PTPRD: variants seen among roughly 807,000 people sequenced by gnomAD.
PTPRD encodes receptor-type tyrosine-protein phosphatase delta.
PTPRD carries 34 observed loss-of-function variants against 214.5 expected under a neutral mutation model. The observed-to-expected ratio is 0.16, with a 90% CI of 0.12 to 0.21. The LOEUF is 0.21. Among genes scored for constraint, PTPRD ranks in the 10% least tolerant of loss-of-function variants. PTPRD has a pLI of 1.00. For missense variants in PTPRD, 2,545 were observed against 2,398.7 expected (o/e 1.06, Z -1.27); for synonymous variants, 1,128 against 845.7 (o/e 1.33, Z -5.79).
intron 3 of PTPRD, among the ~76,000 whole-genome samples, chr9:10,048,189 A>G (rs190146343): frequency 6.6e-5 from 10 of 152,204 alleles, no homozygotes; most frequent in Middle Eastern, 3.4e-3. Flanking sequence ...GATCTTCTGC[A>G]TTGCTTTATT....
intron 39 of PTPRD, among the ~76,000 whole-genome samples, chr9:8,363,880 A>T (rs185747332): frequency 3.9e-5 from 6 of 152,276 alleles, no homozygotes; most frequent in Admixed American, 3.9e-4. Flanking sequence ...GCAAGCTTTT[A>T]TTTCAAAAGG....
intron 8 of PTPRD, among the ~76,000 whole-genome samples, chr9:9,467,048 A>C (rs541232899): frequency 1.3e-5 from 2 of 151,968 alleles, no homozygotes; most frequent in African/African-American, 4.8e-5. Flanking sequence ...TTACATGATG[A>C]TATCATAGAA....
At chr9:10,099,742 A>G (rs551556796) in intron 3 of PTPRD, among the ~76,000 whole-genome samples, 3 of 151,776 alleles carry the variant, frequency 2.0e-5, no homozygotes, top group African/African-American at 7.2e-5. Context: ...TAGTAATAAA[A>G]GAGTGTGGAA....
chr9:10,532,661 T>G (rs2056703938), intron 2 of PTPRD, among the ~76,000 whole-genome samples: 1 of 148,864 alleles, frequency 6.7e-6, no homozygotes, highest in Non-Finnish European at 1.5e-5. Flanking sequence ...ATATTAGATA[T>G]TTCTTTAAAA....
At chr9:9,379,593 T>A (rs2061635741) in intron 9 of PTPRD, among the ~76,000 whole-genome samples, 1 of 152,070 alleles carries the variant, frequency 6.6e-6, no homozygotes, top group Non-Finnish European at 1.5e-5. Context: ...AAATTTTGAT[T>A]GGGATTGCAT....
At chr9:10,316,985 A>C (rs1030404020) in intron 3 of PTPRD, among the ~76,000 whole-genome samples, 2 of 151,954 alleles carry the variant, frequency 1.3e-5, no homozygotes, top group African/African-American at 4.8e-5. Context: ...CAAAAAACAA[A>C]ACATGCATGC....
At chr9:8,938,691 A>C (rs755010702) in intron 11 of PTPRD, among the ~76,000 whole-genome samples, 2 of 152,028 alleles carry the variant, frequency 1.3e-5, no homozygotes, top group African/African-American at 4.8e-5. Flanking sequence ...TTTTAGTACA[A>C]AGGGTCCACT....
intron 7 of PTPRD, among the ~76,000 whole-genome samples, chr9:9,590,793 T>C (rs987953598): frequency 3.3e-5 from 5 of 152,084 alleles, no homozygotes; most frequent in African/African-American, 1.2e-4. Context: ...TTTGAAATAC[T>C]GTTTATCTTT....
intron 5 of PTPRD, among the ~76,000 whole-genome samples, chr9:9,837,960 T>A (rs1350040580): frequency 6.6e-6 from 1 of 152,024 alleles, no homozygotes; most frequent in Admixed American, 6.6e-5. Flanking sequence ...GATGTTCCCC[T>A]TCCTGTGTCC....
chr9:9,979,341 C>A (rs1383616233), intron 4 of PTPRD, among the ~76,000 whole-genome samples: 2 of 151,424 alleles, frequency 1.3e-5, no homozygotes, highest in Non-Finnish European at 1.5e-5. Flanking sequence ...TTTCTTAAAC[C>A]CAATAATAAT....
At chr9:10,070,788 C>T (rs189956751) in intron 3 of PTPRD, among the ~76,000 whole-genome samples, 8 of 151,808 alleles carry the variant, frequency 5.3e-5, no homozygotes, top group East Asian at 1.9e-4. Context: ...GACTCTCCAC[C>T]GGCCACTATC....
chr9:10,611,966 T>G (rs79606351), intron 2 of PTPRD, among the ~76,000 whole-genome samples: 6,980 of 136,404 alleles, frequency 0.051, 280 homozygotes, highest in East Asian at 0.24. Flanking sequence ...ACCAACCAAC[T>G]GAAGTCAGAG....
chr9:8,788,414 T>C (rs1599801369), intron 11 of PTPRD, among the ~76,000 whole-genome samples: 1 of 151,846 alleles, frequency 6.6e-6, no homozygotes, highest in African/African-American at 2.4e-5. Flanking sequence ...TAGCTGGGAT[T>C]ACAGGCATGC....
chr9:9,094,653 G>A (rs1392762946), intron 10 of PTPRD, among the ~76,000 whole-genome samples: 1 of 151,980 alleles, frequency 6.6e-6, no homozygotes, highest in African/African-American at 2.4e-5. Flanking sequence ...AAAACCACCT[G>A]TACACCAAAA....
intron 11 of PTPRD, among the ~76,000 whole-genome samples, chr9:8,983,230 T>TA (rs776426880): frequency 2.6e-5 from 4 of 152,066 alleles, no homozygotes; most frequent in Non-Finnish European, 5.9e-5. Flanking sequence ...CAACCTTCTT[T>TA]ATATCATGAA....
intron 11 of PTPRD, among the ~76,000 whole-genome samples, chr9:8,862,452 T>G (rs2098124201): frequency 6.6e-6 from 1 of 152,210 alleles, no homozygotes. Flanking sequence ...CTAAATTTTT[T>G]GACCCATGTA....
chr9:10,272,669 C>G (rs10809052), intron 3 of PTPRD, among the ~76,000 whole-genome samples: 39,680 of 152,128 alleles, frequency 0.26, 6,215 homozygotes, highest in African/African-American at 0.43. Flanking sequence ...TTCCATTTCA[C>G]AAATCCCCCT....
chr9:8,615,860 C>T (rs952291808), intron 14 of PTPRD, among the ~76,000 whole-genome samples: 1 of 152,052 alleles, frequency 6.6e-6, no homozygotes, highest in East Asian at 1.9e-4. Flanking sequence ...ATATTTTCAA[C>T]ATGAAATCAA....
chr9:9,503,278 A>G, intron 8 of PTPRD, among the ~76,000 whole-genome samples: 1 of 70,568 alleles, frequency 1.4e-5, no homozygotes, highest in East Asian at 4.6e-4. Flanking sequence ...CCTATACCAA[A>G]AAAAGTTTTT....
Sources: allele counts gnomAD v4.1 joint callset (sites outside exome capture counted in the v4.1 genomes callset), GRCh38; gene constraint gnomAD v4.1.1; transcripts MANE v1.5; gene names NCBI Gene and HGNC (gene_info 2026-07-23, HGNC 2026-07-21).